CPA6: variants seen among roughly 807,000 people sequenced by gnomAD.
CPA6 encodes the protein carboxypeptidase B.
A neutral mutation model predicts 63.3 loss-of-function variants in CPA6; 58 were observed. The observed-to-expected ratio is 0.92, with a 90% confidence interval of 0.74 to 1.14. The LOEUF is 1.14. Among genes scored for constraint, CPA6 ranks in the 50% most tolerant of loss-of-function variants. The pLI is 0.00. For synonymous variants in CPA6, 185 were observed against 179.0 expected (o/e 1.03, Z -0.27); for missense variants, 565 against 526.6 (o/e 1.07, Z -0.71).
At chr8:67,635,058 TA>T (rs1381536484) in intron 1 of CPA6, among the ~76,000 whole-genome samples, 4 of 151,394 alleles carry the variant, frequency 2.6e-5, no homozygotes, top group Non-Finnish European at 4.4e-5. Context: ...TGCTATTTTT[TA>T]AAAAAAATTT....
intron 8 of CPA6, among the ~76,000 whole-genome samples, chr8:67,461,803 TGGCCGGGCGGGG>T (rs754816109): frequency 1.3e-5 from 2 of 152,048 alleles, no homozygotes; most frequent in Non-Finnish European, 2.9e-5. Context: ...ACGGGGCGGC[TGGCCGGGCGGGG>T]GGCTGACCCC....
chr8:67,524,413 G>A (rs1208696478), intron 2 of CPA6, among the ~76,000 whole-genome samples: 1 of 152,168 alleles, frequency 6.6e-6, no homozygotes, highest in Non-Finnish European at 1.5e-5. Context: ...TGGCTAGGCT[G>A]TGCTTTCCCA....
intron 2 of CPA6, among the ~76,000 whole-genome samples, chr8:67,537,597 C>T (rs1209616516): frequency 6.6e-6 from 1 of 151,736 alleles, no homozygotes; most frequent in Non-Finnish European, 1.5e-5. Context: ...TCTTATTAGC[C>T]TGTCTAGTGG....
intron 1 of CPA6, among the ~76,000 whole-genome samples, chr8:67,705,005 A>C (rs1418015767): frequency 2.6e-5 from 4 of 152,162 alleles, no homozygotes; most frequent in African/African-American, 7.2e-5. Flanking sequence ...GACAGGGCTA[A>C]AGAGAAGGAG....
At chr8:67,485,663 A>G (rs538453699) in intron 6 of CPA6, among the ~76,000 whole-genome samples, 1 of 152,328 alleles carries the variant, frequency 6.6e-6, no homozygotes, top group African/African-American at 2.4e-5. Context: ...ATTGCAATAA[A>G]TATGCTTGCA....
At chr8:67,651,906 C>T (rs1815849658) in intron 1 of CPA6, among the ~76,000 whole-genome samples, 1 of 151,814 alleles carries the variant, frequency 6.6e-6, no homozygotes, top group Admixed American at 6.6e-5. Context: ...CCCCACCCCG[C>T]AACAGTCCCT....
chr8:67,475,456 G>A (rs1811151841), intron 8 of CPA6, among the ~76,000 whole-genome samples: 1 of 152,210 alleles, frequency 6.6e-6, no homozygotes, highest in South Asian at 2.1e-4. Context: ...GTAAATACAC[G>A]GCACAGTTCT....
rs565947331 is a variant in CPA6, at chr8:67,476,417, C to A, written c.838+7351G>T. On this transcript the variant is annotated intron_variant, in intron 8 of 10. Transcript: ENST00000297770. ...TTCCTGGAGAATTCATAACCATATG[C>A]CTGACATCTCATGGGTTTGTAAATT... Among the ~76,000 whole-genome samples the A allele has an allele frequency of 7.7e-4, 118 of 152,276 alleles. 2 individuals are homozygous for A. The South Asian group carries it at 0.024, about 31-fold the overall frequency.
chr8:67,539,533 A>T (rs190911131), intron 2 of CPA6, among the ~76,000 whole-genome samples: 1 of 152,098 alleles, frequency 6.6e-6, no homozygotes, highest in South Asian at 2.1e-4. Context: ...CTGAATTTCA[A>T]TGTTGGCCTA....
chr8:67,509,141 C>A (rs1216493994), intron 5 of CPA6, among the ~76,000 whole-genome samples: 2 of 152,158 alleles, frequency 1.3e-5, no homozygotes, highest in Non-Finnish European at 2.9e-5. Context: ...ATGATTCAAT[C>A]ACCTCCCACC....
At chr8:67,561,533 C>A (rs541450612) in intron 2 of CPA6, among the ~76,000 whole-genome samples, 1 of 152,236 alleles carries the variant, frequency 6.6e-6, no homozygotes, top group South Asian at 2.1e-4. Context: ...AAAGAGCTGG[C>A]ATGAAATCTT....
chr8:67,496,223 C>T (rs1002138001), intron 6 of CPA6, among the ~76,000 whole-genome samples: 6 of 151,790 alleles, frequency 4.0e-5, no homozygotes, highest in Admixed American at 1.3e-4. Flanking sequence ...TGTTGTTTCC[C>T]GCACATAAAT....
chr8:67,593,568 C>T (rs1814200419), intron 2 of CPA6, among the ~76,000 whole-genome samples: 2 of 152,082 alleles, frequency 1.3e-5, no homozygotes, highest in Non-Finnish European at 2.9e-5. Flanking sequence ...TCTGGGTGCT[C>T]CTGTATTGGG....
chr8:67,449,235 C>T (rs191147117), intron 8 of CPA6, among the ~76,000 whole-genome samples: 2 of 152,196 alleles, frequency 1.3e-5, no homozygotes, highest in East Asian at 3.9e-4. Flanking sequence ...CTGGGTGACA[C>T]AGCGAGACTG....
chr8:67,524,613 C>CTTTTTTTTTTT (rs71554611), intron 2 of CPA6, among the ~76,000 whole-genome samples: 2 of 149,820 alleles, frequency 1.3e-5, no homozygotes, highest in African/African-American at 2.5e-5. Context: ...TTTGAAAAAA[C>CTTTTTTTTTTT]TTTTTTTGTT....
intron 2 of CPA6, among the ~76,000 whole-genome samples, chr8:67,582,336 A>G (rs1813797053): frequency 6.6e-6 from 1 of 152,184 alleles, no homozygotes; most frequent in African/African-American, 2.4e-5. Flanking sequence ...TAGCCTATGA[A>G]TGCTGTCACC....
At chr8:67,424,392 G>A (rs915280533) in intron 10 of CPA6, among the ~76,000 whole-genome samples, 3 of 152,000 alleles carry the variant, frequency 2.0e-5, no homozygotes, top group African/African-American at 4.8e-5. Flanking sequence ...GTAGATGATT[G>A]CCCCATTGCC....
intron 2 of CPA6, among the ~76,000 whole-genome samples, chr8:67,559,852 A>AATATATATATAT (rs71554612): frequency 1.8e-4 from 27 of 148,144 alleles, no homozygotes; most frequent in South Asian, 1.1e-3. Flanking sequence ...AGTTGGACAA[A>AATATATATATAT]ATATATATAT....
chr8:67,480,514 T>C (rs1811334752), intron 8 of CPA6, among the ~76,000 whole-genome samples: 1 of 152,216 alleles, frequency 6.6e-6, no homozygotes, highest in South Asian at 2.1e-4. Flanking sequence ...ATTCTTGTTA[T>C]GCCCAAATAA....
Sources: allele counts gnomAD v4.1 joint callset (sites outside exome capture counted in the v4.1 genomes callset), GRCh38; gene constraint gnomAD v4.1.1; transcripts MANE v1.5; gene names NCBI Gene and HGNC (gene_info 2026-07-23, HGNC 2026-07-21).